ANAPC10: variants seen among roughly 807,000 people sequenced by gnomAD.
ANAPC10 encodes anaphase-promoting complex subunit 10.
A neutral mutation model predicts 22.0 loss-of-function variants in ANAPC10; 12 were observed. The observed-to-expected ratio is 0.55, with a 90% CI of 0.35 to 0.88. The LOEUF (loss-of-function observed/expected upper bound fraction) is 0.88. ANAPC10 is among the 40% of genes least tolerant of loss of function. ANAPC10 has a pLI of 0.01. For synonymous variants in ANAPC10, 65 were observed against 69.5 expected (o/e 0.94, Z 0.32); for missense variants, 188 against 220.9 (o/e 0.85, Z 0.94).
intron 4 of ANAPC10, among the ~76,000 whole-genome samples, chr4:145,048,092 A>C (rs560006300): frequency 5.9e-5 from 9 of 152,160 alleles, no homozygotes; most frequent in South Asian, 4.1e-4. Context: ...GAGTCGAATC[A>C]ATTTTAGAAC....
chr4:145,076,919 G>T (rs762077388), intron 3 of ANAPC10, among the ~76,000 whole-genome samples: 1 of 152,182 alleles, frequency 6.6e-6, no homozygotes, highest in African/African-American at 2.4e-5. Flanking sequence ...AAAAGAATTT[G>T]CCAGGCGTGG....
rs1045393259 is a variant in ANAPC10, at chr4:145,080,822, G to A, written c.206+838C>T. The stretch of plus-strand genomic sequence containing the variant: ...CTCGGAAGGCTGAGGCAGGAGAATC[G>A]CTTGAACCTGGGAGGCGGAGGTTGC... On this transcript the variant is annotated intron_variant, in intron 3 of 4. Coordinates refer to ENST00000507656, the MANE Select transcript of ANAPC10 (RefSeq NM_001256706.2). 1.2e-4 allele frequency among the ~76,000 whole-genome samples: 18 copies of A among 149,912 alleles called. 1 individual carries two copies. Among genetic ancestry groups the A allele is most frequent in the South Asian group, 2.1e-4 (1 of 4,764 alleles).
Position 145,059,494 on chromosome 4 carries a change from C to T in ANAPC10, c.327+5078G>A, listed in dbSNP as rs141124909. 2.5e-3 allele frequency among the ~76,000 whole-genome samples: 387 copies of T among 152,154 alleles called. 2 individuals are homozygous for T. The highest frequency in any genetic ancestry group is 8.8e-3 in the African/African-American group (365 of 41,544). ...AGAGCTTAAAATTCACTTAAGCACT[C>T]GATCTTGTGCTCTTGTGCTCTATCA... On this transcript the variant is annotated intron_variant, in intron 4 of 4. Coordinates refer to ENST00000507656, the MANE Select transcript of ANAPC10 (RefSeq NM_001256706.2).
chr4:145,016,204 T>C (rs542117627), intron 4 of ANAPC10, among the ~76,000 whole-genome samples: 1 of 152,328 alleles, frequency 6.6e-6, no homozygotes, highest in Admixed American at 6.5e-5. Context: ...ATGACATGAT[T>C]GTATATTTAG....
At chr4:145,042,810 G>A (rs1321664304) in intron 4 of ANAPC10, among the ~76,000 whole-genome samples, 1 of 151,132 alleles carries the variant, frequency 6.6e-6, no homozygotes, top group African/African-American at 2.4e-5. Flanking sequence ...GCGGTTTTCT[G>A]TTTTTTTTGG....
chr4:145,057,005 GAT>G (rs1742160251), intron 4 of ANAPC10, among the ~76,000 whole-genome samples: 1 of 152,062 alleles, frequency 6.6e-6, no homozygotes, highest in African/African-American at 2.4e-5. Flanking sequence ...TGCTGCAAAA[GAT>G]CACTTGAAAA....
intron 2 of ANAPC10, among the ~76,000 whole-genome samples, chr4:145,088,622 C>T (rs1167252509): frequency 1.3e-5 from 2 of 152,088 alleles, no homozygotes; most frequent in African/African-American, 4.8e-5. Flanking sequence ...AGTTCTTAAT[C>T]CTAGTCCAAA....
chr4:145,079,467 T>C (rs1745645356), intron 3 of ANAPC10, among the ~76,000 whole-genome samples: 1 of 152,262 alleles, frequency 6.6e-6, no homozygotes. Context: ...GAAAGCAGTT[T>C]GGAGATTTCT....
chr4:145,015,022 C>T (rs1321199612), intron 4 of ANAPC10, among the ~76,000 whole-genome samples: 1 of 152,032 alleles, frequency 6.6e-6, no homozygotes, highest in Non-Finnish European at 1.5e-5. Context: ...TATGACAAAA[C>T]AAGGCTCCTT....
chr4:145,097,557 T>C (rs1440477373), intron 1 of ANAPC10: 2 of 1,286,582 alleles, frequency 1.6e-6, no homozygotes, highest in East Asian at 5.5e-5. Context: ...AAGCACTTGA[T>C]ACTTACTAAA....
chr4:145,069,085 C>A (rs1744116455), intron 3 of ANAPC10, among the ~76,000 whole-genome samples: 2 of 152,202 alleles, frequency 1.3e-5, no homozygotes, highest in Non-Finnish European at 2.9e-5. Flanking sequence ...TCCGAGACAT[C>A]TGCTCATGAA....
At chr4:145,042,189 TACTC>T (rs1049199841) in intron 4 of ANAPC10, among the ~76,000 whole-genome samples, 31 of 152,174 alleles carry the variant, frequency 2.0e-4, no homozygotes, top group African/African-American at 6.5e-4. Context: ...TCTAACGTGA[TACTC>T]AGTAGCATAA....
chr4:145,089,032 C>T (rs1319836514), intron 2 of ANAPC10, among the ~76,000 whole-genome samples: 6 of 152,160 alleles, frequency 3.9e-5, no homozygotes, highest in African/African-American at 9.6e-5. Context: ...ATGAATTCTT[C>T]TTAACATTCA....
chr4:145,070,096 T>C (rs1744275939), intron 3 of ANAPC10, among the ~76,000 whole-genome samples: 1 of 152,204 alleles, frequency 6.6e-6, no homozygotes, highest in Non-Finnish European at 1.5e-5. Context: ...CAATAAAAGT[T>C]TAAAGCAGTA....
At chr4:145,048,677 A>C (rs1740671780) in intron 4 of ANAPC10, among the ~76,000 whole-genome samples, 1 of 152,148 alleles carries the variant, frequency 6.6e-6, no homozygotes, top group South Asian at 2.1e-4. Context: ...CAATTTTCTA[A>C]AACAATGCTG....
chr4:145,031,779 C>T (rs1208088450), intron 4 of ANAPC10, among the ~76,000 whole-genome samples: 1 of 152,168 alleles, frequency 6.6e-6, no homozygotes, highest in African/African-American at 2.4e-5. Context: ...CAAGGGCCTG[C>T]CATCTTTTGC....
At chr4:145,091,041 T>C (rs577162212) in intron 2 of ANAPC10, among the ~76,000 whole-genome samples, 35 of 152,196 alleles carry the variant, frequency 2.3e-4, no homozygotes, top group Non-Finnish European at 4.4e-4. Flanking sequence ...AAAATGCTAA[T>C]CATATAATGA....
intron 4 of ANAPC10, among the ~76,000 whole-genome samples, chr4:145,056,294 A>G (rs111862976): frequency 0.017 from 2,616 of 152,288 alleles, 35 homozygotes; most frequent in Non-Finnish European, 0.027. Context: ...CTACACTCCC[A>G]CCAGCACCAT....
intron 4 of ANAPC10, among the ~76,000 whole-genome samples, chr4:145,059,907 A>T (rs1194732885): frequency 6.6e-6 from 1 of 152,108 alleles, no homozygotes; most frequent in African/African-American, 2.4e-5. Context: ...AAAGAACAAC[A>T]TTAAATCAAA....
Sources: gnomAD v4.1 joint callset for allele counts (sites outside exome capture counted in the v4.1 genomes callset) on GRCh38, gnomAD v4.1.1 for gene constraint, MANE v1.5 for transcripts, NCBI Gene and HGNC (gene_info 2026-07-23, HGNC 2026-07-21) for gene names.